Variants in PTPRB observed in about 807,000 individuals in gnomAD.
The protein encoded by PTPRB is protein tyrosine phosphatase receptor type B, also known as receptor-type tyrosine-protein phosphatase beta.
In PTPRB, 97 loss-of-function variants were observed where a neutral mutation model predicts 238.1. The observed-to-expected ratio is 0.41, with a 90% CI of 0.35 to 0.48. PTPRB has a LOEUF of 0.48. PTPRB is among the 20% of genes least tolerant of loss of function. The pLI is 0.30. For missense variants in PTPRB, 2,292 were observed against 2,681.9 expected, an observed-to-expected ratio of 0.85 and a Z score of 3.21; for synonymous variants, 970 against 995.4, an observed-to-expected ratio of 0.97 and a Z score of 0.48.
At chr12:70,620,713 A>T (rs997417637) in intron 3 of PTPRB, among the ~76,000 whole-genome samples, 10 of 152,328 alleles carry the variant, frequency 6.6e-5, no homozygotes, top group African/African-American at 2.4e-4. Flanking sequence ...TTTCACATCA[A>T]CATGGATGGA....
chr12:70,574,272 C>A (rs4529922), intron 11 of PTPRB, among the ~76,000 whole-genome samples: 7,260 of 152,226 alleles, frequency 0.048, 500 homozygotes, highest in African/African-American at 0.15. Flanking sequence ...TTTTCTCACA[C>A]CTGCAAGTTG....
intron 14 of PTPRB, among the ~76,000 whole-genome samples, 185 bp downstream of exon 14, chr12:70,569,490 T>C (rs1879756735): frequency 6.6e-6 from 1 of 152,194 alleles, no homozygotes; most frequent in Non-Finnish European, 1.5e-5. Context: ...CTTTCATTTG[T>C]TTTGCAGATC....
At position 70,596,197 on chromosome 12, in the gene PTPRB, T is replaced by C. The variant is rs11178317; in HGVS notation, c.1110A>G (p.Gln370=). Residue 370 remains glutamine (Q), a synonymous_variant, in exon 5 of 34, where the codon CAA becomes CAG. Transcript: ENST00000334414. ...YEVQLFDENN[Q]KIQGVQIQES... ...CTTGAATTTGAACCCCCTGTATCTT[T>C]TGGTTATTTTCATCAAATAATTGCA... The C allele has an allele frequency of 0.13, 208,090 of 1,613,156 alleles. 14,645 individuals carry two copies. Among genetic ancestry groups the C allele is most frequent in the Admixed American group, 0.25 (15,274 of 59,940 alleles).
Position 70,636,051 on chromosome 12 carries a change from A to C in PTPRB, c.71T>G (p.Val24Gly). ...IFRNSEGFQI[V>G]HVQKQQCLFK... The stretch of plus-strand genomic sequence containing the variant: ...AAGACACTGTTGTTTCTGGACATGG[A>C]CAATCTGAAACCCTTCTGGAAGATG... The change falls in exon 2 of 34, where the codon GTC (valine) becomes GGC (glycine). Residue 24 changes from valine (V) to glycine (G), a missense_variant. Transcript: ENST00000334414. 6.2e-7 allele frequency: 1 copy of C among 1,611,708 alleles called. No homozygotes were observed. Among genetic ancestry groups the C allele is most frequent in the Non-Finnish European group, 8.5e-7 (1 of 1,178,656 alleles).
Position 70,516,679 on chromosome 12 carries a change from TTC to T in PTPRB, c.*4808_*4809del, listed in dbSNP as rs1871220797. The T allele has an allele frequency of 6.6e-6, 1 of 152,210 alleles. No individual in the cohort carries two copies. Among genetic ancestry groups the T allele is most frequent in the Admixed American group, 6.5e-5 (1 of 15,270 alleles). 9.4% of individuals were successfully genotyped at this position (152,210 alleles called of 1,614,324 possible). On this transcript the variant is annotated 3_prime_UTR_variant, in exon 34 of 34. Transcript: ENST00000334414. ...TATTTATTAAAATAGCTATAACCAA[TTC>T]TTTTTGTGACTGTTCTAGAAGGGAC...
intron 3 of PTPRB, among the ~76,000 whole-genome samples, chr12:70,610,094 G>T (rs1884341623): frequency 6.6e-6 from 1 of 152,084 alleles, no homozygotes; most frequent in South Asian, 2.1e-4. Context: ...CCCCAGCCCC[G>T]TCCGCTGACT....
At chr12:70,535,965 C>T (rs1312131898) in intron 29 of PTPRB, 60 bp downstream of exon 29, 2 of 1,597,988 alleles carry the variant, frequency 1.3e-6, no homozygotes, top group African/African-American at 2.7e-5. Flanking sequence ...GATGATGGGG[C>T]AGAATTCTAT....
intron 2 of PTPRB, among the ~76,000 whole-genome samples, chr12:70,623,615 T>C (rs186583407): frequency 1.7e-3 from 257 of 152,326 alleles, no homozygotes; most frequent in Non-Finnish European, 2.6e-3. Flanking sequence ...ATCAACTCCA[T>C]AGTGCACTAG....
chr12:70,556,720 CACACT>C (rs1180033493), intron 18 of PTPRB, among the ~76,000 whole-genome samples: 1 of 152,178 alleles, frequency 6.6e-6, no homozygotes, highest in African/African-American at 2.4e-5. Context: ...ATATCGTTTT[CACACT>C]ACAGAAAATC....
chr12:70,596,469 G>T (rs1592562318), intron 4 of PTPRB, 142 bp from the exon 5 acceptor site: 1 of 963,204 alleles, frequency 1.0e-6, no homozygotes, highest in Non-Finnish European at 1.4e-6. Flanking sequence ...TGTTATTTGT[G>T]AAATAAATTG....
chr12:70,599,283 A>G (rs1157670484), intron 4 of PTPRB, among the ~76,000 whole-genome samples: 1 of 152,226 alleles, frequency 6.6e-6, no homozygotes, highest in African/African-American at 2.4e-5. Flanking sequence ...TTGAAAATTT[A>G]GTCATGTACC....
chr12:70,609,193 C>G lies in PTPRB; in HGVS notation c.855G>C (p.Leu285Phe). 6.2e-7 allele frequency: 1 copy of G among 1,614,048 alleles called. No homozygotes were observed. The highest frequency in any genetic ancestry group is 8.5e-7 in the Non-Finnish European group (1 of 1,179,902). Residue 285 changes from leucine (L) to phenylalanine (F), a missense_variant, in exon 4 of 34, where the codon TTG becomes TTC. Coordinates refer to ENST00000334414, the MANE Select transcript of PTPRB (RefSeq NM_001109754.4). Reference sequence around the variant, plus strand: ...TGTTGTCTATCCGAAAGGTAGGGCACAACGCGGCCCCCAGGGTGTCACTGC... The same window carrying G: ...TGTTGTCTATCCGAAAGGTAGGGCAGAACGCGGCCCCCAGGGTGTCACTGC... The part of the protein sequence containing the change: ...IYSSDTLGAA[L>F]CPTFRIDNTT...
chr12:70,563,344 C>T (rs889209938), intron 15 of PTPRB, among the ~76,000 whole-genome samples: 16 of 152,310 alleles, frequency 1.1e-4, no homozygotes, highest in African/African-American at 3.8e-4. Context: ...CAACCACCTC[C>T]TTGCAAACTG....
chr12:70,590,014 A>G lies in PTPRB; in HGVS notation c.2000T>C (p.Ile667Thr). The change falls in exon 8 of 34, where the codon ATT becomes ACT. Residue 667 changes from isoleucine to threonine, a missense_variant. Ile to Thr is a moderately conservative substitution (Grantham distance 89). Transcript: ENST00000334414. The part of the protein sequence containing the change: ...VPGRQYEVEV[I>T]VESGNLKNSE... ...ATTCTTCAAATTTCCACTCTCAACAATGACTTCCACCTCATACTGTCTTCC... is the reference window on the plus strand; with the variant it reads ...ATTCTTCAAATTTCCACTCTCAACAGTGACTTCCACCTCATACTGTCTTCC... 6.2e-7 allele frequency: 1 copy of G among 1,613,960 alleles called. No individual in the cohort carries two copies. The highest frequency in any genetic ancestry group is 8.5e-7 in the Non-Finnish European group (1 of 1,179,874).
At chr12:70,604,597 CT>C (rs1357652665) in intron 4 of PTPRB, among the ~76,000 whole-genome samples, 1 of 152,166 alleles carries the variant, frequency 6.6e-6, no homozygotes, top group African/African-American at 2.4e-5. Context: ...GAAATGATGG[CT>C]TATGTTTAAA....
intron 32 of PTPRB, among the ~76,000 whole-genome samples, chr12:70,528,613 C>T (rs1872735102): frequency 6.6e-6 from 1 of 152,056 alleles, no homozygotes; most frequent in Non-Finnish European, 1.5e-5. Flanking sequence ...TGAGTCTAGC[C>T]TGGTGAACAT....
chr12:70,568,076 C>T (rs987229253), intron 14 of PTPRB, among the ~76,000 whole-genome samples: 3 of 152,074 alleles, frequency 2.0e-5, no homozygotes, highest in East Asian at 1.9e-4. Flanking sequence ...TCTGTTGGAA[C>T]GAAGACAACT....
chr12:70,526,815 G>A (rs1872511055), intron 32 of PTPRB, among the ~76,000 whole-genome samples: 1 of 152,182 alleles, frequency 6.6e-6, no homozygotes, highest in Admixed American at 6.5e-5. Context: ...GAGGTAAGCT[G>A]TGAATGAACT....
intron 32 of PTPRB, chr12:70,525,285 T>C (rs1275813461): frequency 6.6e-6 from 1 of 152,196 alleles, no homozygotes; most frequent in Non-Finnish European, 1.5e-5. Context: ...CTTAGATGAA[T>C]CCCAATTTCA....
Sources: allele counts gnomAD v4.1 joint callset (sites outside exome capture counted in the v4.1 genomes callset), GRCh38; gene constraint gnomAD v4.1.1; transcripts MANE v1.5; gene names NCBI Gene and HGNC (gene_info 2026-07-23, HGNC 2026-07-21).